HIVEP1: variants seen among roughly 807,000 people sequenced by gnomAD.
HIVEP1 encodes the protein HIVEP zinc finger 1, also known as zinc finger protein 40.
A neutral mutation model predicts 180.0 loss-of-function variants in HIVEP1; 36 were observed. That is an observed-to-expected ratio of 0.20 (90% confidence interval 0.15 to 0.26). The LOEUF (loss-of-function observed/expected upper bound fraction) is 0.26. HIVEP1 is among the 10% of genes least tolerant of loss of function. The probability of loss-of-function intolerance (pLI) is 1.00; values close to 1 mark genes in which losing one functional copy is unlikely to be tolerated. For synonymous variants in HIVEP1, 1,239 were observed against 1,239.0 expected (o/e 1.00, Z 0.00); for missense variants, 3,143 against 3,268.7 (o/e 0.96, Z 0.94).
At chr6:12,054,491 A>G (rs952714177) in intron 2 of HIVEP1, among the ~76,000 whole-genome samples, 19 of 152,216 alleles carry the variant, frequency 1.2e-4, no homozygotes, top group Non-Finnish European at 2.5e-4. Flanking sequence ...ACATATACAT[A>G]TGAATATATA....
chr6:12,169,592 A>G (rs2113710726), downstream of HIVEP1, among the ~76,000 whole-genome samples: 1 of 152,346 alleles, frequency 6.6e-6, no homozygotes, highest in South Asian at 2.1e-4. Flanking sequence ...CATAGAGACC[A>G]CAGACTTTAA....
intron 3 of HIVEP1, among the ~76,000 whole-genome samples, chr6:12,094,277 C>T (rs969734772): frequency 2.6e-5 from 4 of 151,898 alleles, no homozygotes; most frequent in African/African-American, 7.2e-5. Context: ...CTTGTCATAT[C>T]AGCTGGGAAT....
At chr6:12,068,579 GA>G (rs1771755627) in intron 2 of HIVEP1, among the ~76,000 whole-genome samples, 1 of 152,110 alleles carries the variant, frequency 6.6e-6, no homozygotes, top group African/African-American at 2.4e-5. Context: ...GTTTAAGGGA[GA>G]ATACTTAAGA....
At chr6:12,043,017 CT>C (rs1769878758) in intron 2 of HIVEP1, among the ~76,000 whole-genome samples, 1 of 152,242 alleles carries the variant, frequency 6.6e-6, no homozygotes, top group Non-Finnish European at 1.5e-5. Flanking sequence ...AATGAAGAAT[CT>C]TTTCTCGCAG....
intron 3 of HIVEP1, among the ~76,000 whole-genome samples, chr6:12,104,793 AT>A (rs1774331305): frequency 6.6e-6 from 1 of 151,758 alleles, no homozygotes; most frequent in Non-Finnish European, 1.5e-5. Context: ...CTATTATGGT[AT>A]TTTTTTCAAT....
At chr6:12,167,007 C>T (rs545119946), downstream of HIVEP1, among the ~76,000 whole-genome samples, 120 of 152,180 alleles carry the variant, frequency 7.9e-4, no homozygotes, top group Non-Finnish European at 1.3e-3. Context: ...AAATCGAGGG[C>T]GTTCCAATAA....
intron 3 of HIVEP1, among the ~76,000 whole-genome samples, chr6:12,108,616 G>A (rs1774643245): frequency 6.6e-6 from 1 of 152,246 alleles, no homozygotes; most frequent in Non-Finnish European, 1.5e-5. Context: ...TACACCCTCT[G>A]CAGCCGCTGG....
intron 2 of HIVEP1, among the ~76,000 whole-genome samples, chr6:12,084,478 C>G (rs534677727): frequency 6.6e-6 from 1 of 152,226 alleles, no homozygotes; most frequent in Non-Finnish European, 1.5e-5. Flanking sequence ...ATAATCTTCA[C>G]TTACAAGAGC....
the HIVEP1 span, among the ~76,000 whole-genome samples, chr6:12,173,149 A>C: frequency 6.6e-6 from 1 of 152,206 alleles, no homozygotes; most frequent in African/African-American, 2.4e-5. Context: ...ATCATTATTC[A>C]GAAAAATGTC....
intron 2 of HIVEP1, among the ~76,000 whole-genome samples, chr6:12,050,631 C>T (rs1032812114): frequency 6.6e-6 from 1 of 151,930 alleles, no homozygotes; most frequent in African/African-American, 2.4e-5. Flanking sequence ...TCCAGCTGGG[C>T]GACTCCCATC....
chr6:12,041,856 T>C (rs1475272029), intron 2 of HIVEP1, among the ~76,000 whole-genome samples: 10 of 149,400 alleles, frequency 6.7e-5, no homozygotes, highest in Non-Finnish European at 1.5e-4. Flanking sequence ...AAACGGGTTT[T>C]CACCGTGTTA....
chr6:12,095,487 A>G (rs1388218736), intron 3 of HIVEP1, among the ~76,000 whole-genome samples: 2 of 105,834 alleles, frequency 1.9e-5, no homozygotes, highest in African/African-American at 3.7e-5. Flanking sequence ...ACCCCAAATC[A>G]TGTTGGAATT....
At chr6:12,093,520 A>C (rs2113353741) in intron 3 of HIVEP1, among the ~76,000 whole-genome samples, 1 of 151,562 alleles carries the variant, frequency 6.6e-6, no homozygotes, top group South Asian at 2.1e-4. Context: ...CAGATTAAAA[A>C]CCCATCTGGA....
chr6:12,207,324 C>G, the HIVEP1 span, among the ~76,000 whole-genome samples: 2 of 152,132 alleles, frequency 1.3e-5, no homozygotes, highest in Non-Finnish European at 2.9e-5. Context: ...TTGTCAGGAA[C>G]CATCTTTATT....
the HIVEP1 span, among the ~76,000 whole-genome samples, chr6:12,184,053 A>ACAGACAGG: frequency 6.7e-6 from 1 of 149,114 alleles, no homozygotes; most frequent in Non-Finnish European, 1.5e-5. Context: ...AGACAGACAG[A>ACAGACAGG]CAGACAGACT....
intron 2 of HIVEP1, among the ~76,000 whole-genome samples, chr6:12,079,528 G>C (rs1772628136): frequency 6.6e-6 from 1 of 152,100 alleles, no homozygotes; most frequent in Non-Finnish European, 1.5e-5. Context: ...GCTGCCCCTG[G>C]TACTTGATAA....
At chr6:12,077,014 A>G (rs1187475308) in intron 2 of HIVEP1, among the ~76,000 whole-genome samples, 1 of 152,158 alleles carries the variant, frequency 6.6e-6, no homozygotes, top group African/African-American at 2.4e-5. Flanking sequence ...TGTATATCAA[A>G]TAGGAAGCCA....
chr6:12,073,715 A>G (rs1359956774), intron 2 of HIVEP1, among the ~76,000 whole-genome samples: 4 of 152,208 alleles, frequency 2.6e-5, no homozygotes, highest in African/African-American at 9.6e-5. Flanking sequence ...GGTTAGTCTC[A>G]TATAGGCTAT....
intron 4 of HIVEP1, among the ~76,000 whole-genome samples, chr6:12,127,373 G>C (rs561225679): frequency 6.6e-6 from 1 of 152,300 alleles, no homozygotes; most frequent in South Asian, 2.1e-4. Flanking sequence ...AATTTGTTAA[G>C]TTCTCAGGCT....
Sources: allele counts gnomAD v4.1 joint callset (sites outside exome capture counted in the v4.1 genomes callset), GRCh38; gene constraint gnomAD v4.1.1; transcripts MANE v1.5; gene names NCBI Gene and HGNC (gene_info 2026-07-23, HGNC 2026-07-21).